Variants in ATXN7L1 observed in about 807,000 individuals in gnomAD.
The protein encoded by ATXN7L1 is ataxin 7 like 1, also known as ataxin-7-like protein 1.
A neutral mutation model predicts 70.8 loss-of-function variants in ATXN7L1; 15 were observed. The ratio of observed to expected loss-of-function variants is 0.21; its 90% CI spans 0.14 to 0.33. The LOEUF (loss-of-function observed/expected upper bound fraction) is 0.33, where lower values mean the gene tolerates loss of function less well. Among genes scored for constraint, ATXN7L1 ranks in the 10% least tolerant of loss-of-function variants. ATXN7L1 has a pLI of 1.00. For missense variants in ATXN7L1, 975 were observed against 1,097.1 expected (o/e 0.89, Z 1.57); for synonymous variants, 440 against 445.1 (o/e 0.99, Z 0.14).
At chr7:105,791,843 A>G (rs1805296024) in intron 2 of ATXN7L1, among the ~76,000 whole-genome samples, 1 of 152,210 alleles carries the variant, frequency 6.6e-6, no homozygotes, top group South Asian at 2.1e-4. Context: ...ATGAAGGAAT[A>G]TAAGGTGATA....
intron 7 of ATXN7L1, among the ~76,000 whole-genome samples, chr7:105,633,977 G>A (rs933687883): frequency 2.0e-5 from 3 of 152,068 alleles, no homozygotes; most frequent in Non-Finnish European, 4.4e-5. Flanking sequence ...TTTCCTTTTT[G>A]GGCTCATTTC....
chr7:105,691,757 A>G (rs1276967790), intron 3 of ATXN7L1: 1 of 152,126 alleles, frequency 6.6e-6, no homozygotes. Flanking sequence ...CCAGCCCCAA[A>G]CAGAGCAACG....
intron 2 of ATXN7L1, among the ~76,000 whole-genome samples, chr7:105,829,554 C>A (rs1407411373): frequency 6.6e-6 from 1 of 152,138 alleles, no homozygotes; most frequent in Non-Finnish European, 1.5e-5. Flanking sequence ...AATACTGGGG[C>A]AATTTTATGG....
chr7:105,657,818 ATAC>A (rs1800925125), intron 4 of ATXN7L1, among the ~76,000 whole-genome samples: 1 of 151,594 alleles, frequency 6.6e-6, no homozygotes, highest in Non-Finnish European at 1.5e-5. Flanking sequence ...TTAAGAACGG[ATAC>A]TTGATTCAGT....
intron 2 of ATXN7L1, among the ~76,000 whole-genome samples, chr7:105,846,384 A>G (rs1056630495): frequency 6.6e-6 from 1 of 152,214 alleles, no homozygotes; most frequent in Non-Finnish European, 1.5e-5. Flanking sequence ...TCATGTAGTC[A>G]TCAGGAAAAT....
chr7:105,727,764 A>ATATATATATATATG (rs1796039048), intron 3 of ATXN7L1, among the ~76,000 whole-genome samples: 3 of 92,912 alleles, frequency 3.2e-5, no homozygotes, highest in African/African-American at 1.3e-4. Context: ...ATATATATAT[A>ATATATATATATATG]TATATATATA....
intron 2 of ATXN7L1, among the ~76,000 whole-genome samples, chr7:105,865,236 T>A (rs1164365189): frequency 6.6e-6 from 1 of 152,214 alleles, no homozygotes; most frequent in African/African-American, 2.4e-5. Context: ...TGATAGGTAC[T>A]ATTATTCCTA....
chr7:105,852,638 G>A (rs1381173466), intron 2 of ATXN7L1, among the ~76,000 whole-genome samples: 1 of 151,880 alleles, frequency 6.6e-6, no homozygotes, highest in Non-Finnish European at 1.5e-5. Context: ...CAGCTCTGAT[G>A]GAGAGGTGCA....
intron 3 of ATXN7L1, among the ~76,000 whole-genome samples, chr7:105,675,008 G>C (rs1235498481): frequency 1.3e-5 from 2 of 152,142 alleles, no homozygotes; most frequent in African/African-American, 4.8e-5. Context: ...TTTCTGGAGA[G>C]CAACCTGGTG....
intron 3 of ATXN7L1, among the ~76,000 whole-genome samples, chr7:105,683,547 T>C (rs1328226590): frequency 1.3e-5 from 2 of 152,060 alleles, no homozygotes; most frequent in African/African-American, 4.8e-5. Context: ...AGCGTGGTGG[T>C]GCACACTTGT....
chr7:105,681,784 C>G (rs575518107), intron 3 of ATXN7L1, among the ~76,000 whole-genome samples: 1 of 152,264 alleles, frequency 6.6e-6, no homozygotes, highest in East Asian at 1.9e-4. Flanking sequence ...CAGTCACAAA[C>G]AGACAAATAA....
chr7:105,730,280 T>G (rs1157626698), intron 3 of ATXN7L1, among the ~76,000 whole-genome samples: 1 of 152,172 alleles, frequency 6.6e-6, no homozygotes, highest in African/African-American at 2.4e-5. Flanking sequence ...TCTGTGGTCT[T>G]TACCCCCAAA....
intron 3 of ATXN7L1, among the ~76,000 whole-genome samples, chr7:105,776,066 T>C (rs1269910237): frequency 4.6e-5 from 7 of 152,198 alleles, no homozygotes; most frequent in Admixed American, 2.6e-4. Context: ...AATTCCGAGA[T>C]GACCTTTTGA....
intron 2 of ATXN7L1, among the ~76,000 whole-genome samples, chr7:105,852,784 G>A (rs1009903528): frequency 1.3e-5 from 2 of 151,800 alleles, no homozygotes; most frequent in South Asian, 2.1e-4. Context: ...AGGTATACCC[G>A]CATTCACAGC....
At chr7:105,749,443 G>A (rs1171119462) in intron 3 of ATXN7L1, among the ~76,000 whole-genome samples, 2 of 151,758 alleles carry the variant, frequency 1.3e-5, no homozygotes, top group Non-Finnish European at 2.9e-5. Context: ...CTTCGGAGTT[G>A]TCATTTGGGG....
chr7:105,692,432 C>CCCTCCTTCCTTCCTT (rs1563010018), intron 3 of ATXN7L1, among the ~76,000 whole-genome samples: 2 of 96,128 alleles, frequency 2.1e-5, no homozygotes, highest in Non-Finnish European at 2.0e-5. Flanking sequence ...CTTCCTCCCT[C>CCCTCCTTCCTTCCTT]CCTCCCTCCC....
intron 3 of ATXN7L1, among the ~76,000 whole-genome samples, chr7:105,693,275 T>A (rs74639191): frequency 0.17 from 25,135 of 152,106 alleles, 2,226 homozygotes; most frequent in South Asian, 0.27. Context: ...CACTGCAGCC[T>A]TGAACTCCTG....
Position 105,606,206 on chromosome 7 carries a change from C to T in ATXN7L1, c.*1646G>A, listed in dbSNP as rs1792757925. On this transcript the variant is annotated 3_prime_UTR_variant, in exon 12 of 12. Transcript: ENST00000419735. ...AATGTCCTGGTACTTAATATCAACTCCTGATTTTTAAACAAATCATTTTAT... is the reference window on the plus strand; with the variant it reads ...AATGTCCTGGTACTTAATATCAACTTCTGATTTTTAAACAAATCATTTTAT... 1 of 152,144 alleles carries T rather than the reference C, an allele frequency of 6.6e-6. No homozygotes were observed. Among genetic ancestry groups the T allele is most frequent in the African/African-American group, 2.4e-5 (1 of 41,434 alleles). 9.4% of individuals were successfully genotyped at this position (152,144 alleles called of 1,614,324 possible). A position where few individuals can be genotyped will look rare whatever the true frequency, so the allele number is the denominator to read the frequency against.
At chr7:105,777,242 A>G (rs970624652) in intron 3 of ATXN7L1, among the ~76,000 whole-genome samples, 1 of 152,218 alleles carries the variant, frequency 6.6e-6, no homozygotes, top group Admixed American at 6.5e-5. Flanking sequence ...CCCAGCATAC[A>G]TGCCAATAAA....
Sources: allele counts gnomAD v4.1 joint callset (sites outside exome capture counted in the v4.1 genomes callset), GRCh38; gene constraint gnomAD v4.1.1; transcripts MANE v1.5; gene names NCBI Gene and HGNC (gene_info 2026-07-23, HGNC 2026-07-21).